RGS12: variants seen among roughly 807,000 people sequenced by gnomAD.
RGS12 encodes the protein regulator of G protein signaling 12.
RGS12 carries 66 observed loss-of-function variants against 120.1 expected under a neutral mutation model. That is an observed-to-expected ratio of 0.55 (90% CI 0.45 to 0.67). RGS12 has a LOEUF of 0.67. RGS12 is among the 30% of genes least tolerant of loss of function. The pLI is 0.00. For synonymous variants in RGS12, 827 were observed against 804.7 expected (o/e 1.03, Z -0.47); for missense variants, 1,859 against 1,957.7 (o/e 0.95, Z 0.95).
In RGS12 at chr4:3,389,192, G is replaced by T. The variant is rs912063759; in HGVS notation, c.2020+2755G>T. On this transcript the variant is annotated intron_variant, in intron 4 of 17. Transcript: ENST00000336727. This position sits in a 1 kb window ranked among gnomAD's most constrained non-coding sequence, Gnocchi z 5.2. ...TTTTGGCAATCTTTGTCAAGTTGGA[G>T]TGTGTTTTTTCACTTTTTCAGAAGA... 3.2e-4 allele frequency among the ~76,000 whole-genome samples: 49 copies of T among 152,096 alleles called. 2 individuals carry two copies. Among genetic ancestry groups the T allele is most frequent in the Non-Finnish European group, 3.4e-4 (23 of 68,024 alleles).
chr4:3,327,617 G>A (rs768118775), intron 2 of RGS12, among the ~76,000 whole-genome samples: 2 of 152,290 alleles, frequency 1.3e-5, no homozygotes, highest in African/African-American at 4.8e-5. Flanking sequence ...CAAAGGATAC[G>A]AATAGACATT....
Position 3,390,489 on chromosome 4 carries a change from A to G in RGS12, c.2020+4052A>G, listed in dbSNP as rs918921095. On this transcript the variant is annotated intron_variant, in intron 4 of 17. Transcript: ENST00000336727. The surrounding 1 kb of genome is among the most constrained non-coding windows in gnomAD (Gnocchi z 4.6). ...CAGTGATTTTCCTTTTAGTCGTGAAACCTTCTCAAAAAGCACACACAAGCA... is the reference window on the plus strand; with the variant it reads ...CAGTGATTTTCCTTTTAGTCGTGAAGCCTTCTCAAAAAGCACACACAAGCA... Among the ~76,000 whole-genome samples the G allele has an allele frequency of 6.6e-6, 1 of 152,150 alleles. No individual in the cohort carries two copies. Among genetic ancestry groups the G allele is most frequent in the Non-Finnish European group, 1.5e-5 (1 of 68,020 alleles).
intron 11 of RGS12, 50 bp from the exon 12 acceptor site, chr4:3,422,855 G>T (rs529189693): frequency 2.0e-6 from 3 of 1,524,570 alleles, no homozygotes; most frequent in African/African-American, 1.4e-5. Flanking sequence ...GTCTGCGTTT[G>T]GGGGGCTGCC....
chr4:3,293,816 G>A (rs1208088986), intron 1 of RGS12, among the ~76,000 whole-genome samples: 1 of 150,674 alleles, frequency 6.6e-6, no homozygotes, highest in African/African-American at 2.4e-5. Flanking sequence ...CCAGAGCCGT[G>A]GAGTGTAGAC....
chr4:3,421,203 C>G (rs968371095), intron 10 of RGS12, among the ~76,000 whole-genome samples: 2 of 152,174 alleles, frequency 1.3e-5, no homozygotes, highest in African/African-American at 4.8e-5. Flanking sequence ...GGTGCTCGTC[C>G]TGGCCCCAGT....
In RGS12 at chr4:3,365,245, T is replaced by G. The variant is rs1716180565; in HGVS notation, c.1999-21171T>G. On this transcript the variant is annotated intron_variant, in intron 3 of 17. Transcript: ENST00000336727. The surrounding 1 kb of genome is among the most constrained non-coding windows in gnomAD (Gnocchi z 4.0). ...TCTTGTAAATAGAGTCTCCCTGGGC[T>G]GCAGTTCCGTCTGCTGTTTTCATGC... Among the ~76,000 whole-genome samples the G allele has an allele frequency of 6.6e-6, 1 of 152,184 alleles. No homozygotes were observed. The highest frequency in any genetic ancestry group is 1.5e-5 in the Non-Finnish European group (1 of 68,030).
At chr4:3,342,209 G>T (rs905511496) in intron 2 of RGS12, among the ~76,000 whole-genome samples, 4 of 152,216 alleles carry the variant, frequency 2.6e-5, no homozygotes, top group African/African-American at 9.6e-5. Flanking sequence ...GCCTGAAATT[G>T]GTCACTTAGG....
chr4:3,339,081 C>T (rs1712786588), intron 2 of RGS12, among the ~76,000 whole-genome samples: 1 of 152,176 alleles, frequency 6.6e-6, no homozygotes, highest in Non-Finnish European at 1.5e-5. Context: ...CTTTACATCT[C>T]CAAAGTGCAC....
intron 3 of RGS12, among the ~76,000 whole-genome samples, chr4:3,368,175 T>C (rs565850020): frequency 5.3e-5 from 8 of 152,292 alleles, no homozygotes; most frequent in African/African-American, 1.9e-4. Context: ...TGGAGACCAC[T>C]GTCTCCTCCA....
intron 17 of RGS12, among the ~76,000 whole-genome samples, chr4:3,434,080 AG>A (rs1724586957): frequency 1.3e-5 from 2 of 152,210 alleles, no homozygotes; most frequent in Admixed American, 1.3e-4. Context: ...GAAATACCCA[AG>A]ACTAGGTAAT....
At position 3,313,978 on chromosome 4, in the gene RGS12, A is replaced by G. The variant is rs531566163; in HGVS notation, c.-101-2092A>G. 5.9e-5 allele frequency among the ~76,000 whole-genome samples: 9 copies of G among 152,006 alleles called. No homozygotes were observed. In the East Asian group the frequency reaches 1.7e-3, roughly 29 times the overall value. On this transcript the variant is annotated intron_variant, in intron 1 of 17. Transcript: ENST00000336727. ...TCTTGGCCAACTTTTACATTTATTT[A>G]TTTATTTTTTAATGATGATTTTTAA...
At chr4:3,439,381 T>TCGGGGTAG in intron 17 of RGS12, 74 bp from the exon 18 acceptor site, 2 of 1,461,654 alleles carry the variant, frequency 1.4e-6, no homozygotes, top group Non-Finnish European at 1.9e-6. Flanking sequence ...GCAGGGGCCT[T>TCGGGGTAG]CGGGGTAGGG....
intron 3 of RGS12, among the ~76,000 whole-genome samples, chr4:3,363,319 T>C (rs1342337274): frequency 3.3e-5 from 5 of 152,118 alleles, no homozygotes; most frequent in African/African-American, 9.7e-5. Flanking sequence ...AATTTTCTAT[T>C]GTTTCCGTCA....
intron 3 of RGS12, among the ~76,000 whole-genome samples, chr4:3,369,342 G>A (rs1037296699): frequency 6.6e-6 from 1 of 152,218 alleles, no homozygotes; most frequent in Non-Finnish European, 1.5e-5. Context: ...GAACACTCTC[G>A]TGCGGGGAAT....
At chr4:3,380,470 T>C (rs1022821015) in intron 3 of RGS12, among the ~76,000 whole-genome samples, 8 of 152,214 alleles carry the variant, frequency 5.3e-5, no homozygotes, top group African/African-American at 1.7e-4. Flanking sequence ...GTGGGGACTC[T>C]AACCCCACAT....
rs759215246 is a variant in RGS12, at chr4:3,417,526, G to A, written c.2746G>A (p.Gly916Arg). ...TGRSQKKREH[G>R]DHADDALHAN... is the part of the protein sequence containing the mutation. Reference sequence around the variant, plus strand: ...GAGGTCCCAGAAAAAGAGGGAGCACGGGGACCACGCAGACGGTTTGTGGGG... The same window carrying A: ...GAGGTCCCAGAAAAAGAGGGAGCACAGGGACCACGCAGACGGTTTGTGGGG... The change falls in exon 9 of 18, where the codon GGG becomes AGG. Residue 916 changes from glycine (G) to arginine (R), a missense_variant. By Grantham distance (125) the Gly-to-Arg change is moderately radical. Coordinates refer to ENST00000336727, the MANE Select transcript of RGS12 (RefSeq NM_001394154.1). 14 of 1,612,962 alleles carry A rather than the reference G, an allele frequency of 8.7e-6. No homozygotes were observed. Among genetic ancestry groups the A allele is most frequent in the South Asian group, 3.3e-5 (3 of 91,074 alleles).
intron 9 of RGS12, chr4:3,420,421 A>C: frequency 1.6e-6 from 1 of 609,090 alleles, no homozygotes; most frequent in South Asian, 1.9e-5. Context: ...TCTCTGCTGC[A>C]TGGTGGGTAG....
chr4:3,414,915 TGA>T (rs1169614046), intron 6 of RGS12, 71 bp downstream of exon 6: 3 of 1,112,734 alleles, frequency 2.7e-6, no homozygotes, highest in Non-Finnish European at 4.1e-6. Flanking sequence ...GAGGGGTGTG[TGA>T]GAGGGCCACG....
In RGS12 at chr4:3,343,051, G is replaced by T; in HGVS notation, c.1996G>T (p.Glu666Ter). The T allele has an allele frequency of 1.3e-6, 2 of 1,596,730 alleles. No homozygotes were observed. Among genetic ancestry groups the T allele is most frequent in the East Asian group, 2.2e-5 (1 of 44,816 alleles). ...TATCACTCGCTCCCTTGATGATCTT[G>T]AGGTAATTTAATTTTCATTTTTCTT... The part of the protein sequence containing the change: ...FSITRSLDDL[E>*]SATVSDGELT... The change falls in exon 3 of 18, where the codon GAG (glutamate) becomes TAG (stop). Residue 666 changes from glutamate to a stop codon, truncating the protein, a stop_gained and splice_region_variant. Coordinates refer to ENST00000336727, the MANE Select transcript of RGS12 (RefSeq NM_001394154.1). LOFTEE classifies it high-confidence loss of function.
Sources: gnomAD v4.1 joint callset for allele counts (sites outside exome capture counted in the v4.1 genomes callset) on GRCh38, gnomAD v4.1.1 for gene constraint, Gnocchi (gnomAD v3.1) non-coding constraint, MANE v1.5 for transcripts, NCBI Gene and HGNC (gene_info 2026-07-23, HGNC 2026-07-21) for gene names.